The following DLG5 variants were observed in gnomAD, a reference collection of about 807,000 sequenced individuals.
The protein encoded by DLG5 is disks large homolog 5.
A neutral mutation model predicts 189.8 loss-of-function variants in DLG5; 48 were observed. The observed-to-expected ratio is 0.25, with a 90% confidence interval of 0.20 to 0.32. The LOEUF is 0.32. DLG5 is among the 10% of genes least tolerant of loss of function. The pLI, the probability that DLG5 is intolerant of heterozygous loss-of-function variation, is 1.00. For synonymous variants in DLG5, 1,016 were observed against 1,054.1 expected (o/e 0.96, Z 0.70); for missense variants, 2,160 against 2,544.7 (o/e 0.85, Z 3.25).
intron 1 of DLG5, among the ~76,000 whole-genome samples, chr10:77,876,367 A>ATC (rs1230846364): frequency 7.4e-6 from 1 of 134,674 alleles, no homozygotes; most frequent in Non-Finnish European, 1.6e-5. Context: ...GCAAGACCCC[A>ATC]TCTCTCTTTT....
intron 6 of DLG5, 62 bp from the exon 7 acceptor site, chr10:77,842,255 G>A: frequency 6.4e-7 from 1 of 1,550,414 alleles, no homozygotes; most frequent in Non-Finnish European, 8.7e-7. Context: ...GTGGCCGGCT[G>A]CGCTGCTGCC....
intron 7 of DLG5, among the ~76,000 whole-genome samples, chr10:77,836,205 T>C (rs574218852): frequency 2.6e-5 from 4 of 152,322 alleles, no homozygotes; most frequent in African/African-American, 9.6e-5. Context: ...GGTGAAGTGC[T>C]GTGTATCTCA....
At chr10:77,913,117 A>G (rs1041158694) in intron 1 of DLG5, among the ~76,000 whole-genome samples, 5 of 152,238 alleles carry the variant, frequency 3.3e-5, no homozygotes, top group African/African-American at 1.2e-4. Flanking sequence ...CATAAAAGAC[A>G]TTTACACTTT....
In DLG5 at chr10:77,926,664, G is replaced by C. The variant is rs1846706002; in HGVS notation, c.-144C>G. The stretch of plus-strand genomic sequence containing the variant: ...GAGCCATGGGCCGGGGCCTGGGCGG[G>C]CTGGGGGCCCGGGGCGGCGGGCGGC... On this transcript the variant is annotated 5_prime_UTR_variant, in exon 1 of 32. Coordinates refer to ENST00000372391, the MANE Select transcript of DLG5 (RefSeq NM_004747.4). This position sits in a 1 kb window ranked among gnomAD's most constrained non-coding sequence, Gnocchi z 5.2. 1 of 488,092 alleles carries C rather than the reference G, an allele frequency of 2.0e-6. No homozygotes were observed. Among genetic ancestry groups the C allele is most frequent in the Non-Finnish European group, 2.7e-6 (1 of 374,910 alleles). The allele number at this position is 488,092 out of a possible 1,614,324, so 30.2% of individuals were successfully genotyped here.
upstream of DLG5, chr10:77,928,755 A>C (rs1846759096): frequency 6.6e-6 from 1 of 152,216 alleles, no homozygotes; most frequent in Non-Finnish European, 1.5e-5. Flanking sequence ...GGCCAGGCAA[A>C]GTGGCTCACG....
In DLG5 at chr10:77,894,543, C is replaced by CTTT. The variant is rs35379334; in HGVS notation, c.305-25349_305-25347dup. ...GCTTTATTGTCAGCAAAGAATAAAG[C>CTTT]TTTTTTTTTTTTTTTTTTTTTGATG... On this transcript the variant is annotated intron_variant, in intron 1 of 31. Coordinates refer to ENST00000372391, the MANE Select transcript of DLG5 (RefSeq NM_004747.4). Among the ~76,000 whole-genome samples, 371 of 95,900 alleles carry CTTT rather than the reference C, an allele frequency of 3.9e-3. 14 individuals carry two copies. The highest frequency in any genetic ancestry group is 0.012 in the African/African-American group (295 of 24,090). 62.9% of individuals were successfully genotyped at this position (95,900 alleles called of 152,430 possible).
chr10:77,898,456 G>A (rs1484017779), intron 1 of DLG5, among the ~76,000 whole-genome samples: 1 of 152,254 alleles, frequency 6.6e-6, no homozygotes, highest in East Asian at 1.9e-4. Flanking sequence ...CGGGCACACA[G>A]GGAGCAAAAG....
At chr10:77,902,808 C>T (rs1038577630) in intron 1 of DLG5, among the ~76,000 whole-genome samples, 2 of 151,200 alleles carry the variant, frequency 1.3e-5, no homozygotes, top group East Asian at 2.0e-4. Context: ...TGCAGTGAGC[C>T]GAGATCGTAC....
In DLG5 at chr10:77,811,205, G is replaced by T. The variant is rs760870816; in HGVS notation, c.4352C>A (p.Ser1451Tyr). Residue 1451 changes from serine to tyrosine, a missense_variant, in exon 23 of 32, where the codon TCC becomes TAC. Coordinates refer to ENST00000372391, the MANE Select transcript of DLG5 (RefSeq NM_004747.4). ...SSHLDPAGTHSTLQGSGTTTP... is the reference protein window; with the variant it reads ...SSHLDPAGTHYTLQGSGTTTP... ...GGTGGTGCCACTGCCCTGGAGAGTG[G>T]AGTGGGTACCGGCAGGGTCCAGGTG... 1 of 1,613,272 alleles carries T rather than the reference G, an allele frequency of 6.2e-7. No homozygotes were observed. Among genetic ancestry groups the T allele is most frequent in the Admixed American group, 1.7e-5 (1 of 59,950 alleles).
intron 7 of DLG5, among the ~76,000 whole-genome samples, chr10:77,838,326 GTGCCGA>G (rs1353968572): frequency 6.6e-6 from 1 of 152,162 alleles, no homozygotes; most frequent in Non-Finnish European, 1.5e-5. Flanking sequence ...GCTTCCAGTG[GTGCCGA>G]CCTCAACTCC....
rs535633045 is a variant in DLG5, at chr10:77,879,241, A to G, written c.305-10044T>C. On this transcript the variant is annotated intron_variant, in intron 1 of 31. Transcript: ENST00000372391. The stretch of plus-strand genomic sequence containing the variant: ...TAGAGGAAGCGTGGAGTGCCAGAGG[A>G]GGGAATAGCAAGTGCAAAGGCCCTG... Among the ~76,000 whole-genome samples the G allele has an allele frequency of 1.1e-3, 162 of 152,094 alleles. 1 individual carries two copies. Among genetic ancestry groups the G allele is most frequent in the African/African-American group, 3.8e-3 (158 of 41,496 alleles).
At chr10:77,873,017 G>GTGTT (rs2154577162) in intron 1 of DLG5, among the ~76,000 whole-genome samples, 1 of 120,242 alleles carries the variant, frequency 8.3e-6, no homozygotes, top group East Asian at 2.3e-4. Context: ...CTCCTGATGT[G>GTGTT]TGTGTGTGTG....
intron 1 of DLG5, among the ~76,000 whole-genome samples, chr10:77,924,817 G>T (rs1375715156): frequency 6.7e-6 from 1 of 149,796 alleles, no homozygotes; most frequent in Non-Finnish European, 1.5e-5. Context: ...GAAATGACCT[G>T]CTGTGTGGCC....
At chr10:77,882,787 G>A (rs532359926) in intron 1 of DLG5, among the ~76,000 whole-genome samples, 45 of 151,752 alleles carry the variant, frequency 3.0e-4, no homozygotes, top group Non-Finnish European at 5.0e-4. Flanking sequence ...GCCTGGTGTG[G>A]TGGTGCACGT....
chr10:77,897,383 A>AT, intron 1 of DLG5, among the ~76,000 whole-genome samples: 1 of 152,046 alleles, frequency 6.6e-6, no homozygotes, highest in Non-Finnish European at 1.5e-5. Flanking sequence ...ATAAATAAAT[A>AT]AATAATTTTT....
intron 27 of DLG5, among the ~76,000 whole-genome samples, chr10:77,802,626 C>T (rs1841267012): frequency 6.6e-6 from 1 of 152,226 alleles, no homozygotes; most frequent in Non-Finnish European, 1.5e-5. Flanking sequence ...TGCCTTGCGC[C>T]TGTAATCCCG....
chr10:77,870,012 C>G (rs1844836179), intron 1 of DLG5, among the ~76,000 whole-genome samples: 1 of 152,066 alleles, frequency 6.6e-6, no homozygotes, highest in Non-Finnish European at 1.5e-5. Flanking sequence ...TACCCCATCC[C>G]CCATCCCCCA....
At chr10:77,860,150 T>C (rs1435041553) in intron 2 of DLG5, among the ~76,000 whole-genome samples, 1 of 152,232 alleles carries the variant, frequency 6.6e-6, no homozygotes, top group Non-Finnish European at 1.5e-5. Flanking sequence ...GGTGATAAAC[T>C]GAGGCCCAGC....
At chr10:77,854,504 T>C in intron 3 of DLG5, 134 bp from the exon 4 acceptor site, 1 of 1,184,926 alleles carries the variant, frequency 8.4e-7, no homozygotes, top group Non-Finnish European at 1.2e-6. Flanking sequence ...ACCTGGGTGT[T>C]TGTTAAACTC....
Sources: allele counts gnomAD v4.1 joint callset (sites outside exome capture counted in the v4.1 genomes callset), GRCh38; gene constraint gnomAD v4.1.1; non-coding constraint Gnocchi (gnomAD v3.1); transcripts MANE v1.5; gene names NCBI Gene and HGNC (gene_info 2026-07-23, HGNC 2026-07-21).